LCORL: variants seen among roughly 807,000 people sequenced by gnomAD.
LCORL encodes the protein ligand-dependent nuclear receptor corepressor-like protein.
LCORL carries 41 observed loss-of-function variants against 141.8 expected under a neutral mutation model. The observed-to-expected ratio is 0.29, with a 90% CI of 0.23 to 0.38. LCORL has a LOEUF of 0.38. Ranked by LOEUF, LCORL falls within the 10% of genes least tolerant of loss-of-function variation. The pLI is 1.00. For missense variants in LCORL, 1,759 were observed against 2,035.0 expected, an observed-to-expected ratio of 0.86 and a Z score of 2.61; for synonymous variants, 618 against 694.1, an observed-to-expected ratio of 0.89 and a Z score of 1.72.
At chr4:17,954,649 C>A (rs771627957) in intron 4 of LCORL, among the ~76,000 whole-genome samples, 2 of 152,030 alleles carry the variant, frequency 1.3e-5, no homozygotes, top group Non-Finnish European at 2.9e-5. Context: ...TATAACCAGA[C>A]CAGATGGGCC....
intron 1 of LCORL, among the ~76,000 whole-genome samples, chr4:17,994,868 T>G (rs1343017265): frequency 1.3e-5 from 2 of 152,116 alleles, no homozygotes; most frequent in Non-Finnish European, 2.9e-5. Context: ...GCAAGGATCC[T>G]GTCATCCTGC....
chr4:17,917,213 T>G (rs12649308), intron 4 of LCORL, among the ~76,000 whole-genome samples: 79,627 of 151,704 alleles, frequency 0.52, 21,502 homozygotes, highest in Non-Finnish European at 0.6. Context: ...GTTTTGTTTT[T>G]TTTTGAGAAG....
chr4:17,850,534 C>T (rs1254239233), intron 7 of LCORL, among the ~76,000 whole-genome samples: 6 of 152,200 alleles, frequency 3.9e-5, no homozygotes, highest in Non-Finnish European at 5.9e-5. Context: ...AAAATGCTCA[C>T]CATCACTGGC....
rs573311709 is a variant in LCORL at position 17,845,652 on chromosome 4, T to G, written c.*236A>C. ...GGACTAGAAATACTTCAAGATCAATTGATAAATGCTTATTGTTCAGAAGGA... is the reference window on the plus strand; with the variant it reads ...GGACTAGAAATACTTCAAGATCAATGGATAAATGCTTATTGTTCAGAAGGA... On this transcript the variant is annotated 3_prime_UTR_variant, in exon 8 of 8. Transcript: ENST00000635767. 3.6e-6 allele frequency: 4 copies of G among 1,110,210 alleles called. No homozygotes were observed. In the East Asian group the frequency reaches 9.8e-5, roughly 27 times the overall value. The allele number at this position is 1,110,210 out of a possible 1,614,324, so 68.8% of individuals were successfully genotyped here.
At chr4:17,877,512 T>G in exon 7 of LCORL, 1 of 1,230,290 alleles carries the variant, frequency 8.1e-7, no homozygotes, top group Non-Finnish European at 1.0e-6. Flanking sequence ...AAGTATTTTA[T>G]CTTGATGATC....
At chr4:17,891,280 C>A (rs1053646838) in intron 5 of LCORL, among the ~76,000 whole-genome samples, 1 of 151,912 alleles carries the variant, frequency 6.6e-6, no homozygotes, top group Non-Finnish European at 1.5e-5. Context: ...GAGGCTGAGA[C>A]GGAAGAATTA....
chr4:18,015,687 A>G (rs1724524761), intron 1 of LCORL, among the ~76,000 whole-genome samples: 1 of 152,018 alleles, frequency 6.6e-6, no homozygotes, highest in East Asian at 1.9e-4. Context: ...TTCTAAGTAA[A>G]TCTACTCTTA....
intron 5 of LCORL, among the ~76,000 whole-genome samples, chr4:17,890,336 A>C (rs966800774): frequency 2.0e-5 from 3 of 152,104 alleles, no homozygotes; most frequent in Non-Finnish European, 4.4e-5. Flanking sequence ...ATTTATGTGA[A>C]TATTTAAAGC....
Position 17,915,563 on chromosome 4 carries a change from A to C in LCORL, c.431-6218T>G, listed in dbSNP as rs555292544. 1.1e-3 allele frequency among the ~76,000 whole-genome samples: 171 copies of C among 152,328 alleles called. 4 individuals are homozygous for C. The South Asian group carries it at 0.034, about 31-fold the overall frequency. On this transcript the variant is annotated intron_variant, in intron 4 of 7. Coordinates refer to ENST00000635767, the Ensembl canonical transcript of LCORL. ...GGAAGTGGCCTTTGGGAATAGTATT[A>C]ATGAAAGTCTGAAGTAACTTCAATA... is the stretch of plus-strand genomic sequence containing the variant.
intron 1 of LCORL, among the ~76,000 whole-genome samples, chr4:18,000,595 A>G (rs1422388001): frequency 7.0e-6 from 1 of 143,620 alleles, no homozygotes; most frequent in Non-Finnish European, 1.5e-5. Context: ...ATTAAAAGTG[A>G]ACGAACTATA....
rs1422914577 is a variant in LCORL at position 17,884,106 on chromosome 4, C to G, written c.776+1962G>C. ...TCCCCATGTAGAAAGTAAGAGTCAA[C>G]ACTTGAGTGAGTTACAGGCCCAGAA... On this transcript the variant is annotated intron_variant, in intron 6 of 7. Transcript: ENST00000635767. The surrounding 1 kb of genome is among the most constrained non-coding windows in gnomAD (Gnocchi z 4.4). 1 of 1,550,676 alleles carries G rather than the reference C, an allele frequency of 6.4e-7. No homozygotes were observed. The highest frequency in any genetic ancestry group is 8.7e-7 in the Non-Finnish European group (1 of 1,146,340).
chr4:17,868,533 A>G (rs895454093), intron 7 of LCORL, among the ~76,000 whole-genome samples: 1 of 152,094 alleles, frequency 6.6e-6, no homozygotes, highest in African/African-American at 2.4e-5. Context: ...CTGCTTTGGG[A>G]ACTCAAAAGA....
chr4:17,865,693 C>T (rs1298919934), intron 7 of LCORL, among the ~76,000 whole-genome samples: 3 of 152,178 alleles, frequency 2.0e-5, no homozygotes, highest in Admixed American at 6.5e-5. Context: ...CACTCTATTA[C>T]CAGTGGTTCT....
intron 4 of LCORL, among the ~76,000 whole-genome samples, chr4:17,944,705 A>G (rs1738559895): frequency 6.6e-6 from 1 of 152,188 alleles, no homozygotes; most frequent in African/African-American, 2.4e-5. Context: ...TTTATGAAGG[A>G]TATATATAAA....
At chr4:17,972,137 A>T (rs887800887) in intron 2 of LCORL, among the ~76,000 whole-genome samples, 9 of 151,858 alleles carry the variant, frequency 5.9e-5, no homozygotes, top group Non-Finnish European at 1.3e-4. Context: ...TGTTGACCTT[A>T]CAGGTTTAGG....
At chr4:17,910,043 C>T (rs541787016) in intron 4 of LCORL, among the ~76,000 whole-genome samples, 268 of 152,192 alleles carry the variant, frequency 1.8e-3, no homozygotes, top group Non-Finnish European at 2.2e-3. Flanking sequence ...TATTTCAGCA[C>T]GGATATCCTA....
At chr4:17,967,767 A>G (rs1330461372) in intron 2 of LCORL, among the ~76,000 whole-genome samples, 1 of 152,206 alleles carries the variant, frequency 6.6e-6, no homozygotes, top group Admixed American at 6.5e-5. Flanking sequence ...TTTACTTCAG[A>G]TAAGTATGTA....
chr4:17,865,251 T>C (rs376218080), intron 7 of LCORL, among the ~76,000 whole-genome samples: 15 of 152,320 alleles, frequency 9.8e-5, no homozygotes, highest in African/African-American at 3.6e-4. Flanking sequence ...TTCTCGGCCA[T>C]ATAAAACATC....
intron 6 of LCORL, chr4:17,882,654 C>A (rs892586959): frequency 3.0e-6 from 3 of 984,478 alleles, no homozygotes; most frequent in East Asian, 1.1e-4. Context: ...GTATCGCCCA[C>A]CAAAATGAAA....
Sources: allele counts gnomAD v4.1 joint callset (sites outside exome capture counted in the v4.1 genomes callset), GRCh38; gene constraint gnomAD v4.1.1; non-coding constraint Gnocchi (gnomAD v3.1); transcripts MANE v1.5; gene names NCBI Gene and HGNC (gene_info 2026-07-23, HGNC 2026-07-21).